Variants in PAX8 observed in about 807,000 individuals in gnomAD.
The protein encoded by PAX8 is paired box protein Pax-8.
In PAX8, 15 loss-of-function variants were observed where a neutral mutation model predicts 52.4. The ratio of observed to expected loss-of-function variants is 0.29; its 90% confidence interval spans 0.19 to 0.44. The LOEUF (loss-of-function observed/expected upper bound fraction) is 0.44. Among genes scored for constraint, PAX8 ranks in the 20% least tolerant of loss-of-function variants. The probability of loss-of-function intolerance (pLI) is 1.00; values close to 1 mark genes in which losing one functional copy is unlikely to be tolerated. For synonymous variants in PAX8, 284 were observed against 249.7 expected, an observed-to-expected ratio of 1.14 and a Z score of -1.29; for missense variants, 554 against 602.5, an observed-to-expected ratio of 0.92 and a Z score of 0.84.
At chr2:113,259,302 T>C (rs1692493039) in intron 2 of PAX8, 1 of 152,656 alleles carries the variant, frequency 6.6e-6, no homozygotes, top group African/African-American at 2.4e-5. Flanking sequence ...GCTTTGGGTA[T>C]GGCTAATCCA....
chr2:113,278,919 C>T lies in PAX8; in HGVS notation c.-164G>A. 1 of 1,043,140 alleles carries T rather than the reference C, an allele frequency of 9.6e-7. No homozygotes were observed. Among genetic ancestry groups the T allele is most frequent in the Non-Finnish European group, 1.2e-6 (1 of 864,022 alleles). The allele number at this position is 1,043,140 out of a possible 1,614,324, so 64.6% of individuals were successfully genotyped here. A position where few individuals can be genotyped will look rare whatever the true frequency, so the allele number is the denominator to read the frequency against. ...GTCTCTCCTCCTTCTGAAGTTTGTT[C>T]CCATCCACCCGGCATCACCGACCGG... On this transcript the variant is annotated 5_prime_UTR_variant, in exon 1 of 12. Transcript: ENST00000429538.
Position 113,242,697 on chromosome 2 carries a change from G to A in PAX8, c.471C>T (p.His157=). ...AGGTCTCTCAGCACTCACTCAGCGT[G>A]TGTCCGGGACTCAGGGACTTGGTGG... ...CVATKSLSPG[H]TLIPSSAVTP... The change falls in exon 5 of 12, where the codon CAC becomes CAT. Residue 157 remains histidine, a synonymous_variant. Coordinates refer to ENST00000429538, the MANE Select transcript of PAX8 (RefSeq NM_003466.4). 1 of 1,611,568 alleles carries A rather than the reference G, an allele frequency of 6.2e-7. No homozygotes were observed. Among genetic ancestry groups the A allele is most frequent in the Non-Finnish European group, 8.5e-7 (1 of 1,177,682 alleles).
At position 113,242,729 on chromosome 2, in the gene PAX8, A is replaced by G; in HGVS notation, c.439T>C (p.Cys147Arg). The change falls in exon 5 of 12, where the codon TGC (cysteine) becomes CGC (arginine). Residue 147 changes from cysteine (C) to arginine (R), a missense_variant. Physicochemically the swap from Cys to Arg is radical, Grantham distance 180. Coordinates refer to ENST00000429538, the MANE Select transcript of PAX8 (RefSeq NM_003466.4). ...GGACTCAGGGACTTGGTGGCCACGC[A>G]GCTGTCCATAGGGAGGTTGAATGGT... is the stretch of plus-strand genomic sequence containing the variant. ...QQPFNLPMDS[C>R]VATKSLSPGH... The G allele has an allele frequency of 1.2e-6, 2 of 1,614,044 alleles. No homozygotes were observed. The highest frequency in any genetic ancestry group is 1.7e-6 in the Non-Finnish European group (2 of 1,179,940).
chr2:113,243,517 A>G (rs1282960735), intron 4 of PAX8, among the ~76,000 whole-genome samples: 1 of 151,874 alleles, frequency 6.6e-6, no homozygotes, highest in Non-Finnish European at 1.5e-5. Context: ...TCAGTCTCCC[A>G]AGTAGCTAGG....
At chr2:113,224,441 G>A (rs1245728411) in intron 10 of PAX8, among the ~76,000 whole-genome samples, 1 of 151,852 alleles carries the variant, frequency 6.6e-6, no homozygotes, top group Non-Finnish European at 1.5e-5. Context: ...CAGCTAGTGG[G>A]GAGGCTGAGG....
chr2:113,247,871 A>T (rs1383157895), intron 2 of PAX8, among the ~76,000 whole-genome samples: 1 of 152,246 alleles, frequency 6.6e-6, no homozygotes, highest in Non-Finnish European at 1.5e-5. Flanking sequence ...ACCAGCAAAC[A>T]GCCAGTTAAC....
intron 2 of PAX8, among the ~76,000 whole-genome samples, chr2:113,256,130 A>C (rs1338568194): frequency 6.6e-6 from 1 of 152,242 alleles, no homozygotes; most frequent in Non-Finnish European, 1.5e-5. Context: ...GGGCTTGGTC[A>C]GAGGACAGAA....
At chr2:113,254,851 G>A (rs1179364767) in intron 2 of PAX8, among the ~76,000 whole-genome samples, 1 of 152,108 alleles carries the variant, frequency 6.6e-6, no homozygotes, top group African/African-American at 2.4e-5. Context: ...TCTCCAGATT[G>A]ATTTCCATTC....
At chr2:113,234,823 T>G (rs1015803490) in intron 9 of PAX8, among the ~76,000 whole-genome samples, 1 of 152,206 alleles carries the variant, frequency 6.6e-6, no homozygotes, top group Non-Finnish European at 1.5e-5. Context: ...CGGTCGGTGC[T>G]TCCAGCTTTA....
intron 2 of PAX8, chr2:113,268,241 GGTCCT>G (rs1693223881): frequency 6.6e-6 from 1 of 152,338 alleles, no homozygotes; most frequent in Non-Finnish European, 1.5e-5. Flanking sequence ...CATTTCCTTG[GGTCCT>G]GCTTATGCAG....
At position 113,265,757 on chromosome 2, in the gene PAX8, C is replaced by T. The variant is rs148633064; in HGVS notation, c.25+12613G>A. 67 of 152,356 alleles carry T rather than the reference C, an allele frequency of 4.4e-4. 1 individual carries two copies. The highest frequency in any genetic ancestry group is 1.6e-3 in the African/African-American group (66 of 41,588). 9.4% of individuals were successfully genotyped at this position (152,356 alleles called of 1,614,324 possible). On this transcript the variant is annotated intron_variant, in intron 2 of 11. Coordinates refer to ENST00000429538, the MANE Select transcript of PAX8 (RefSeq NM_003466.4). ...TGAGTTCCATAACCCCAAAGCCTAA[C>T]TCCCTGCCTGCCACACTGAGGGGCT...
intron 10 of PAX8, chr2:113,226,385 T>C: frequency 1.0e-6 from 1 of 985,894 alleles, no homozygotes; most frequent in Non-Finnish European, 1.2e-6. Flanking sequence ...CCCAAAGTCT[T>C]CCCTACATGG....
chr2:113,278,098 C>A (rs540266585), intron 2 of PAX8, among the ~76,000 whole-genome samples: 4 of 151,856 alleles, frequency 2.6e-5, no homozygotes, highest in African/African-American at 9.7e-5. Context: ...TCAAAGGAAA[C>A]CCCCTCTAAC....
intron 9 of PAX8, among the ~76,000 whole-genome samples, chr2:113,233,692 CAAA>C (rs1247417571): frequency 7.3e-6 from 1 of 136,062 alleles, no homozygotes; most frequent in Admixed American, 7.3e-5. Flanking sequence ...AACAAAAAAA[CAAA>C]AAAAAAAGGG....
At chr2:113,248,920 C>T (rs552548310) in intron 2 of PAX8, among the ~76,000 whole-genome samples, 2 of 152,118 alleles carry the variant, frequency 1.3e-5, no homozygotes, top group Non-Finnish European at 1.5e-5. Flanking sequence ...GATCCCAGAT[C>T]GCATCATTGC....
At chr2:113,230,901 G>A (rs1373061907) in intron 9 of PAX8, among the ~76,000 whole-genome samples, 5 of 152,070 alleles carry the variant, frequency 3.3e-5, no homozygotes, top group East Asian at 1.9e-4. Flanking sequence ...TCTTTCCAAC[G>A]TGGTCCTATT....
chr2:113,240,147 A>T (rs567886815), intron 7 of PAX8: 1 of 152,564 alleles, frequency 6.6e-6, no homozygotes, highest in African/African-American at 2.4e-5. Context: ...TTACTCTCAC[A>T]GAGTGAGCTT....
chr2:113,235,686 G>A, intron 8 of PAX8, 104 bp from the exon 9 acceptor site: 1 of 919,854 alleles, frequency 1.1e-6, no homozygotes, highest in Non-Finnish European at 1.6e-6. Flanking sequence ...GCGGGGCGCG[G>A]GGCAGGCTCA....
chr2:113,249,537 TA>T (rs771762555), intron 2 of PAX8, among the ~76,000 whole-genome samples: 107 of 151,778 alleles, frequency 7.0e-4, no homozygotes, highest in Non-Finnish European at 1.3e-3. Flanking sequence ...GAAGCAGGTT[TA>T]AAAAAAATGC....
Sources: allele counts gnomAD v4.1 joint callset (sites outside exome capture counted in the v4.1 genomes callset), GRCh38; gene constraint gnomAD v4.1.1; transcripts MANE v1.5; gene names NCBI Gene and HGNC (gene_info 2026-07-23, HGNC 2026-07-21).